The following WWOX variants were observed in gnomAD, a reference collection of about 807,000 sequenced individuals.
WWOX encodes WW domain containing oxidoreductase.
Under a neutral mutation model 46.2 loss-of-function variants are expected in WWOX, and 69 were observed. The observed-to-expected ratio is 1.49, with a 90% CI of 1.23 to 1.82. The LOEUF (loss-of-function observed/expected upper bound fraction) is 1.82. Among genes scored for constraint, WWOX ranks in the 40% most tolerant of loss-of-function variants. The probability of loss-of-function intolerance (pLI) is 0.00; values close to 1 mark genes in which losing one functional copy is unlikely to be tolerated. For synonymous variants in WWOX, 359 were observed against 202.6 expected, an observed-to-expected ratio of 1.77 and a Z score of -6.56; for missense variants, 919 against 542.6, an observed-to-expected ratio of 1.69 and a Z score of -6.89.
intron 5 of WWOX, among the ~76,000 whole-genome samples, chr16:78,302,562 C>T (rs1442346966): frequency 6.6e-6 from 1 of 152,094 alleles, no homozygotes; most frequent in East Asian, 1.9e-4. Context: ...GAGAGAAATG[C>T]CAATTCAGAG....
At chr16:78,614,665 C>T (rs911721959) in intron 8 of WWOX, among the ~76,000 whole-genome samples, 2 of 152,222 alleles carry the variant, frequency 1.3e-5, no homozygotes, top group African/African-American at 4.8e-5. Context: ...AGTCCAGTTA[C>T]AGGGCCTCGC....
At chr16:78,546,440 C>A (rs979578650) in intron 8 of WWOX, among the ~76,000 whole-genome samples, 1 of 152,128 alleles carries the variant, frequency 6.6e-6, no homozygotes, top group Non-Finnish European at 1.5e-5. Flanking sequence ...AGAGATTGTT[C>A]AAAAGAATAC....
At chr16:78,400,536 A>G (rs2082387880) in intron 6 of WWOX, among the ~76,000 whole-genome samples, 1 of 152,130 alleles carries the variant, frequency 6.6e-6, no homozygotes, top group Non-Finnish European at 1.5e-5. Flanking sequence ...GACTTGGAAA[A>G]AATCTTTGAG....
chr16:78,901,481 G>A (rs115114380), intron 8 of WWOX, among the ~76,000 whole-genome samples: 1 of 151,994 alleles, frequency 6.6e-6, no homozygotes, highest in Non-Finnish European at 1.5e-5. Flanking sequence ...GTAGCTGGTA[G>A]TCAGTGTTCT....
chr16:78,510,112 A>G (rs1188261649), intron 8 of WWOX, among the ~76,000 whole-genome samples: 1 of 152,016 alleles, frequency 6.6e-6, no homozygotes, highest in East Asian at 1.9e-4. Context: ...TCTCGGAAAT[A>G]TTCCTTCAGT....
chr16:79,057,411 T>G (rs898119544), intron 8 of WWOX, among the ~76,000 whole-genome samples: 1 of 152,178 alleles, frequency 6.6e-6, no homozygotes, highest in Non-Finnish European at 1.5e-5. Context: ...TACCAACTGT[T>G]TTTGCTAAGC....
chr16:78,626,992 G>C (rs1187739423), intron 8 of WWOX, among the ~76,000 whole-genome samples: 5 of 152,000 alleles, frequency 3.3e-5, no homozygotes, highest in Admixed American at 3.3e-4. Flanking sequence ...TTTATCTTTG[G>C]TTTTGTTTTC....
chr16:78,162,789 T>G (rs1293185228), intron 4 of WWOX, among the ~76,000 whole-genome samples: 2 of 152,142 alleles, frequency 1.3e-5, no homozygotes, highest in Non-Finnish European at 2.9e-5. Context: ...TGTTTTATTG[T>G]GTTATTTTTT....
chr16:79,075,702 A>C (rs774664559), intron 8 of WWOX, among the ~76,000 whole-genome samples: 5 of 152,018 alleles, frequency 3.3e-5, no homozygotes, highest in Admixed American at 6.6e-5. Flanking sequence ...ATAGGTGTAC[A>C]TCACCACACC....
chr16:79,044,617 G>A (rs1217316500), intron 8 of WWOX, among the ~76,000 whole-genome samples: 3 of 152,186 alleles, frequency 2.0e-5, no homozygotes, highest in African/African-American at 7.2e-5. Context: ...TTCCTGTACA[G>A]CCTGTGGAAC....
intron 8 of WWOX, among the ~76,000 whole-genome samples, chr16:79,155,094 C>G (rs565265592): frequency 1.3e-5 from 2 of 152,252 alleles, no homozygotes; most frequent in Admixed American, 1.3e-4. Flanking sequence ...CTTAAGAAGG[C>G]AAGCCGGGAA....
At chr16:79,025,889 C>G (rs750707778) in intron 8 of WWOX, among the ~76,000 whole-genome samples, 1 of 148,500 alleles carries the variant, frequency 6.7e-6, no homozygotes. Context: ...GCCTCCGCCT[C>G]CTGGGTTCAA....
intron 8 of WWOX, among the ~76,000 whole-genome samples, chr16:79,054,333 T>C (rs536279338): frequency 7.9e-5 from 12 of 152,342 alleles, no homozygotes; most frequent in South Asian, 4.1e-4. Flanking sequence ...CGGTTTCTTA[T>C]CTTTCTTACT....
intron 8 of WWOX, among the ~76,000 whole-genome samples, chr16:78,634,827 AG>A (rs2046526476): frequency 9.1e-6 from 1 of 110,448 alleles, no homozygotes; most frequent in South Asian, 2.9e-4. Context: ...AGAGAGAGAG[AG>A]AGAGAGAGAG....
intron 8 of WWOX, among the ~76,000 whole-genome samples, chr16:78,589,331 G>A (rs546654205): frequency 2.0e-5 from 3 of 152,344 alleles, no homozygotes; most frequent in Admixed American, 1.3e-4. Flanking sequence ...TTGATGGGGG[G>A]ACACATGCCA....
intron 8 of WWOX, among the ~76,000 whole-genome samples, chr16:79,197,120 C>A (rs760767147): frequency 6.6e-6 from 1 of 152,090 alleles, no homozygotes; most frequent in Non-Finnish European, 1.5e-5. Context: ...GTTATAGGGA[C>A]CAAGTTGAAA....
At chr16:78,821,565 G>A (rs745334062) in intron 8 of WWOX, among the ~76,000 whole-genome samples, 2 of 152,178 alleles carry the variant, frequency 1.3e-5, no homozygotes, top group Non-Finnish European at 2.9e-5. Flanking sequence ...CAGTGTCCCA[G>A]GGTCAAGCTC....
chr16:78,640,529 G>A (rs571141041), intron 8 of WWOX, among the ~76,000 whole-genome samples: 21 of 152,196 alleles, frequency 1.4e-4, no homozygotes, highest in East Asian at 1.2e-3. Flanking sequence ...ACAACCACCC[G>A]TGCTGAATAT....
At chr16:78,753,377 G>C (rs539879659) in intron 8 of WWOX, among the ~76,000 whole-genome samples, 28 of 152,166 alleles carry the variant, frequency 1.8e-4, no homozygotes, top group Admixed American at 7.2e-4. Flanking sequence ...CATTATCCAG[G>C]TACAAAGACA....
Sources: gnomAD v4.1 joint callset for allele counts (sites outside exome capture counted in the v4.1 genomes callset) on GRCh38, gnomAD v4.1.1 for gene constraint, MANE v1.5 for transcripts, NCBI Gene and HGNC (gene_info 2026-07-23, HGNC 2026-07-21) for gene names.